Variants in UBE3A observed in about 807,000 individuals in gnomAD.
UBE3A encodes ubiquitin protein ligase E3A.
A neutral mutation model predicts 83.4 loss-of-function variants in UBE3A; 6 were observed. That is an observed-to-expected ratio of 0.07 (90% CI 0.04 to 0.14). The LOEUF is 0.14. UBE3A is among the 10% of genes least tolerant of loss of function. The pLI is 1.00. For synonymous variants in UBE3A, 337 were observed against 355.4 expected (o/e 0.95, Z 0.58); for missense variants, 456 against 1,036.1 (o/e 0.44, Z 7.69).
At chr15:25,385,709 G>A (rs1490437856) in intron 4 of UBE3A, among the ~76,000 whole-genome samples, 1 of 152,068 alleles carries the variant, frequency 6.6e-6, no homozygotes, top group African/African-American at 2.4e-5. Context: ...CAGAGAACAG[G>A]TGAACACATA....
chr15:25,364,407 C>G (rs1044590003), intron 6 of UBE3A, among the ~76,000 whole-genome samples: 2 of 151,944 alleles, frequency 1.3e-5, no homozygotes, highest in African/African-American at 4.8e-5. Flanking sequence ...AAAGATTTAA[C>G]AAATAAACTG....
chr15:25,365,032 TAAAC>T (rs1362412659), intron 6 of UBE3A, among the ~76,000 whole-genome samples: 2 of 152,070 alleles, frequency 1.3e-5, no homozygotes, highest in East Asian at 1.9e-4. Flanking sequence ...TGGGGAAAAA[TAAAC>T]AAAAATATCC....
At chr15:25,343,541 GGACA>G (rs1277740867) in intron 11 of UBE3A, among the ~76,000 whole-genome samples, 1 of 151,908 alleles carries the variant, frequency 6.6e-6, no homozygotes, top group African/African-American at 2.4e-5. Flanking sequence ...TTTCTACTGA[GGACA>G]GACTCTAGAA....
At chr15:25,386,350 TA>T (rs1433257862) in intron 4 of UBE3A, among the ~76,000 whole-genome samples, 1 of 151,934 alleles carries the variant, frequency 6.6e-6, no homozygotes, top group South Asian at 2.1e-4. Flanking sequence ...TAATAAAAGG[TA>T]AAAAACAAGC....
At chr15:25,400,575 T>C (rs1041013001) in intron 4 of UBE3A, among the ~76,000 whole-genome samples, 1 of 152,234 alleles carries the variant, frequency 6.6e-6, no homozygotes, top group Non-Finnish European at 1.5e-5. Context: ...GTACCTATTA[T>C]ACATGGAATT....
At chr15:25,395,673 T>C (rs2085386362) in intron 4 of UBE3A, among the ~76,000 whole-genome samples, 1 of 152,176 alleles carries the variant, frequency 6.6e-6, no homozygotes, top group Non-Finnish European at 1.5e-5. Context: ...CAGACTTAAC[T>C]GTTGGATAAA....
chr15:25,394,445 T>C (rs1256815008), intron 4 of UBE3A, among the ~76,000 whole-genome samples: 1 of 152,212 alleles, frequency 6.6e-6, no homozygotes, highest in Admixed American at 6.5e-5. Context: ...GGAGAACCAC[T>C]TATTTGATTA....
chr15:25,408,277 T>C (rs953116964), intron 3 of UBE3A: 12 of 334,756 alleles, frequency 3.6e-5, no homozygotes, highest in Admixed American at 3.0e-4. Flanking sequence ...AAGCTTGACT[T>C]TGGCTCCTAA....
At chr15:25,351,854 C>T (rs191494545) in intron 11 of UBE3A, among the ~76,000 whole-genome samples, 21 of 152,272 alleles carry the variant, frequency 1.4e-4, no homozygotes, top group East Asian at 9.7e-4. Context: ...AGGGATTGCA[C>T]GTTTTTTTGA....
intron 6 of UBE3A, among the ~76,000 whole-genome samples, chr15:25,363,894 A>G (rs2078554447): frequency 6.6e-6 from 1 of 152,048 alleles, no homozygotes; most frequent in Middle Eastern, 3.2e-3. Context: ...AAAATACTGT[A>G]CCACTTAAGA....
chr15:25,378,068 G>A (rs1208211510), intron 4 of UBE3A, among the ~76,000 whole-genome samples: 1 of 151,986 alleles, frequency 6.6e-6, no homozygotes, highest in African/African-American at 2.4e-5. Context: ...ATAACTATAA[G>A]GGGAAAACAA....
chr15:25,421,562 T>C (rs1482259764), intron 1 of UBE3A, among the ~76,000 whole-genome samples: 1 of 151,508 alleles, frequency 6.6e-6, no homozygotes, highest in Non-Finnish European at 1.5e-5. Flanking sequence ...ATAGGGAGAG[T>C]AGGCAATGAA....
At chr15:25,418,332 T>C (rs948702123) in intron 1 of UBE3A, 2 of 152,090 alleles carry the variant, frequency 1.3e-5, no homozygotes, top group African/African-American at 4.8e-5. Flanking sequence ...CAGAGACTTC[T>C]TTTTTTACAC....
intron 1 of UBE3A, among the ~76,000 whole-genome samples, chr15:25,417,362 A>T (rs1222955758): frequency 1.3e-5 from 2 of 152,158 alleles, no homozygotes; most frequent in Non-Finnish European, 2.9e-5. Context: ...CTCTAAAAGA[A>T]AACAAAATCT....
rs2152682737 is a variant in UBE3A at position 25,354,394 on chromosome 15, T to C, written c.2313A>G (p.Thr771=). Residue 771 remains threonine, a synonymous_variant, in exon 11 of 13, where the codon ACA becomes ACG. Coordinates refer to ENST00000648336, the MANE Select transcript of UBE3A (RefSeq NM_130839.5). The stretch of plus-strand genomic sequence containing the variant: ...CCCTGGTATAGCCACCGTCATATTC[T>C]GTAGTTTCTTCTAGTGCTTGGAAAT... The part of the protein sequence containing the change: ...NLDFQALEET[T]EYDGGYTRDS... 2 of 1,613,966 alleles carry C rather than the reference T, an allele frequency of 1.2e-6. No individual in the cohort carries two copies. The highest frequency in any genetic ancestry group is 8.5e-7 in the Non-Finnish European group (1 of 1,179,924).
At chr15:25,372,833 G>A (rs746419940) in intron 5 of UBE3A, among the ~76,000 whole-genome samples, 3 of 152,046 alleles carry the variant, frequency 2.0e-5, no homozygotes, top group Admixed American at 6.6e-5. Flanking sequence ...CCTCCATTGC[G>A]CCAAATATAC....
intron 4 of UBE3A, among the ~76,000 whole-genome samples, chr15:25,394,027 T>C (rs2084989807): frequency 6.6e-6 from 1 of 152,226 alleles, no homozygotes; most frequent in Non-Finnish European, 1.5e-5. Flanking sequence ...TTATTCTTCC[T>C]GCCTAGAACA....
At position 25,334,551 on chromosome 15, in the gene UBE3A, T is replaced by C. The variant is rs912413112; in HGVS notation, c.*4586A>G. 6.7e-6 allele frequency: 1 copy of C among 149,172 alleles called. No homozygotes were observed. Among genetic ancestry groups the C allele is most frequent in the African/African-American group, 2.5e-5 (1 of 40,172 alleles). 9.2% of individuals were successfully genotyped at this position (149,172 alleles called of 1,614,324 possible). A position where few individuals can be genotyped will look rare whatever the true frequency, so the allele number is the denominator to read the frequency against. On this transcript the variant is annotated 3_prime_UTR_variant, in exon 13 of 13. Transcript: ENST00000648336. ...TTTGCAGGAATTGACACAATGATCA[T>C]ATAAAAATTCATATGCAATGCAAGG...
At chr15:25,367,198 CAT>C (rs2079310664) in intron 6 of UBE3A, among the ~76,000 whole-genome samples, 1 of 108,930 alleles carries the variant, frequency 9.2e-6, no homozygotes, top group African/African-American at 4.8e-5. Context: ...TAAATATTTA[CAT>C]ATTTGTAAAT....
Sources: gnomAD v4.1 joint callset for allele counts (sites outside exome capture counted in the v4.1 genomes callset) on GRCh38, gnomAD v4.1.1 for gene constraint, MANE v1.5 for transcripts, NCBI Gene and HGNC (gene_info 2026-07-23, HGNC 2026-07-21) for gene names.